The following LRRC7 variants were observed in gnomAD, a reference collection of about 807,000 sequenced individuals.
LRRC7 encodes leucine rich repeat containing 7, also known as leucine-rich repeat-containing protein 7.
LRRC7 carries 23 observed loss-of-function variants against 175.7 expected under a neutral mutation model. The ratio of observed to expected loss-of-function variants is 0.13; its 90% CI spans 0.09 to 0.19. LRRC7 has a LOEUF of 0.19. LRRC7 is among the 10% of genes least tolerant of loss of function. The pLI is 1.00. For synonymous variants in LRRC7, 685 were observed against 680.9 expected, an observed-to-expected ratio of 1.01 and a Z score of -0.09; for missense variants, 1,354 against 1,904.7, an observed-to-expected ratio of 0.71 and a Z score of 5.38.
chr1:69,724,057 G>C (rs1350659592), intron 2 of LRRC7, among the ~76,000 whole-genome samples: 2 of 152,290 alleles, frequency 1.3e-5, no homozygotes, highest in Admixed American at 6.5e-5. Context: ...ACATGTTCTG[G>C]AGTTGAATTG....
At chr1:69,585,648 A>G (rs1646375200) in intron 1 of LRRC7, among the ~76,000 whole-genome samples, 1 of 152,248 alleles carries the variant, frequency 6.6e-6, no homozygotes, top group Non-Finnish European at 1.5e-5. Flanking sequence ...AATTTGCAAC[A>G]TAAACACAAA....
chr1:69,625,752 T>C (rs1651413811), intron 1 of LRRC7, among the ~76,000 whole-genome samples: 1 of 152,138 alleles, frequency 6.6e-6, no homozygotes, highest in Admixed American at 6.5e-5. Context: ...GAGTTCTTCT[T>C]TGATCCGGGG....
intron 26 of LRRC7, among the ~76,000 whole-genome samples, chr1:70,120,112 T>C (rs1333100557): frequency 1.3e-5 from 2 of 152,086 alleles, no homozygotes; most frequent in African/African-American, 2.4e-5. Flanking sequence ...TATTCTTTAC[T>C]CTTCATCACC....
At chr1:69,873,760 T>C (rs1285893344) in intron 7 of LRRC7, 1 of 158,278 alleles carries the variant, frequency 6.3e-6, no homozygotes, top group Non-Finnish European at 1.4e-5. Flanking sequence ...AGAGACCTGA[T>C]TTTTTTCCAA....
At chr1:69,690,206 C>T (rs1478297480) in intron 2 of LRRC7, among the ~76,000 whole-genome samples, 2 of 152,142 alleles carry the variant, frequency 1.3e-5, no homozygotes, top group East Asian at 3.9e-4. Context: ...ACTTATTTTC[C>T]TAGCACCTCT....
chr1:70,117,829 T>C (rs1665958783), intron 26 of LRRC7, among the ~76,000 whole-genome samples: 1 of 152,192 alleles, frequency 6.6e-6, no homozygotes, highest in Admixed American at 6.5e-5. Flanking sequence ...AAATCTATGA[T>C]AGTGTGTTTA....
rs551035161 is a variant in LRRC7 at position 70,111,378 on chromosome 1, T to A, written c.4620+3552T>A. 4.6e-5 allele frequency among the ~76,000 whole-genome samples: 7 copies of A among 152,336 alleles called. No individual in the cohort carries two copies. The East Asian group carries it at 1.3e-3, about 29-fold the overall frequency. On this transcript the variant is annotated intron_variant, in intron 26 of 26. Coordinates refer to ENST00000651989, the MANE Select transcript of LRRC7 (RefSeq NM_001370785.2). ...TCATTTTCCCGGAATAGACACATTA[T>A]AATTACTCTAAGACAGTGTGGCATA... is the stretch of plus-strand genomic sequence containing the variant.
At chr1:70,070,721 G>C (rs868389302) in intron 23 of LRRC7, among the ~76,000 whole-genome samples, 19 of 152,268 alleles carry the variant, frequency 1.2e-4, no homozygotes, top group Admixed American at 1.1e-3. Context: ...AGTGAGGATG[G>C]AAGTTTCATC....
At chr1:69,762,960 A>T (rs1376600131) in intron 3 of LRRC7, among the ~76,000 whole-genome samples, 1 of 152,030 alleles carries the variant, frequency 6.6e-6, no homozygotes, top group African/African-American at 2.4e-5. Flanking sequence ...TTACTTTCAT[A>T]AAACAGCCAT....
intron 8 of LRRC7, 116 bp downstream of exon 8, chr1:69,931,686 A>G: frequency 1.2e-6 from 1 of 830,738 alleles, no homozygotes; most frequent in Non-Finnish European, 1.9e-6. Flanking sequence ...GCTAAATGTA[A>G]AAGTAAAAAC....
At chr1:69,738,488 A>G (rs999203908) in intron 2 of LRRC7, among the ~76,000 whole-genome samples, 10 of 152,098 alleles carry the variant, frequency 6.6e-5, no homozygotes, top group South Asian at 2.1e-4. Context: ...TTCATTAAGT[A>G]TCTTATAAAA....
At chr1:69,895,459 T>C (rs1344111909) in intron 7 of LRRC7, among the ~76,000 whole-genome samples, 1 of 152,180 alleles carries the variant, frequency 6.6e-6, no homozygotes, top group Non-Finnish European at 1.5e-5. Context: ...TTTTGTATAC[T>C]AATAAACTCT....
chr1:69,760,129 G>A, intron 2 of LRRC7, 62 bp from the exon 3 acceptor site: 1 of 1,539,186 alleles, frequency 6.5e-7, no homozygotes, highest in East Asian at 2.3e-5. Context: ...AATATTACAA[G>A]AATGCCTTCC....
intron 2 of LRRC7, among the ~76,000 whole-genome samples, chr1:69,730,054 C>A (rs760039734): frequency 5.3e-5 from 8 of 152,354 alleles, no homozygotes; most frequent in South Asian, 2.1e-4. Flanking sequence ...ACCTTGGCCC[C>A]ATTTAGCCAA....
At chr1:69,721,981 T>C (rs1259157459) in intron 2 of LRRC7, among the ~76,000 whole-genome samples, 1 of 151,952 alleles carries the variant, frequency 6.6e-6, no homozygotes, top group African/African-American at 2.4e-5. Context: ...ACAGCTCATG[T>C]GATTCAAAAA....
intron 4 of LRRC7, among the ~76,000 whole-genome samples, chr1:69,799,989 T>C (rs907648125): frequency 6.6e-6 from 1 of 152,148 alleles, no homozygotes; most frequent in Non-Finnish European, 1.5e-5. Context: ...CAGCATTTAT[T>C]GAAGAGGGTG....
chr1:69,629,032 G>A, intron 1 of LRRC7, among the ~76,000 whole-genome samples: 1 of 152,076 alleles, frequency 6.6e-6, no homozygotes, highest in Admixed American at 6.6e-5. Flanking sequence ...GATTACATAG[G>A]AGAAAATCTA....
chr1:70,039,364 G>A lies in LRRC7; in HGVS notation c.3540G>A (p.Arg1180=). The change falls in exon 21 of 27, where the codon AGG becomes AGA. Residue 1180 remains arginine, a synonymous_variant. Coordinates refer to ENST00000651989, the MANE Select transcript of LRRC7 (RefSeq NM_001370785.2). The part of the protein sequence containing the change: ...NEPHELPPTD[R]YGRPPYRGGL... ...CTCATGAGCTGCCCCCAACTGATAGGTACGGCAGACCCCCATATAGGGGAG... is the reference window on the plus strand; with the variant it reads ...CTCATGAGCTGCCCCCAACTGATAGATACGGCAGACCCCCATATAGGGGAG... 6.2e-7 allele frequency: 1 copy of A among 1,614,030 alleles called. No individual in the cohort carries two copies. The highest frequency in any genetic ancestry group is 1.6e-4 in the Middle Eastern group (1 of 6,062).
chr1:70,038,949 A>G lies in LRRC7; in HGVS notation c.3125A>G (p.Asp1042Gly). The part of the protein sequence containing the change: ...MSRSQSVPML[D>G]DEMLTYGSSK... ...CGAAGCCAGTCAGTCCCAATGCTGG[A>G]TGATGAGATGCTCACCTACGGAAGT... is the stretch of plus-strand genomic sequence containing the variant. The change falls in exon 21 of 27, where the codon GAT becomes GGT. Residue 1042 changes from aspartate (D) to glycine (G), a missense_variant. By Grantham distance (94) the Asp-to-Gly change is moderately conservative. Around this residue, in one of 4 missense-constraint regions of LRRC7, gnomAD observed 1,032 missense variants for 1,227.2 expected, o/e 0.84. Coordinates refer to ENST00000651989, the MANE Select transcript of LRRC7 (RefSeq NM_001370785.2). 4 of 1,614,078 alleles carry G rather than the reference A, an allele frequency of 2.5e-6. No homozygotes were observed. The highest frequency in any genetic ancestry group is 3.4e-6 in the Non-Finnish European group (4 of 1,180,008).
Sources: allele counts gnomAD v4.1 joint callset (sites outside exome capture counted in the v4.1 genomes callset), GRCh38; gene constraint gnomAD v4.1.1; regional missense constraint gnomAD v4.1.1; transcripts MANE v1.5; gene names NCBI Gene and HGNC (gene_info 2026-07-23, HGNC 2026-07-21).